Variants in DPP10 observed in about 807,000 individuals in gnomAD.
DPP10 encodes dipeptidyl peptidase like 10.
Under a neutral mutation model 120.9 loss-of-function variants are expected in DPP10, and 33 were observed. That is an observed-to-expected ratio of 0.27 (90% CI 0.21 to 0.37). The LOEUF (loss-of-function observed/expected upper bound fraction) is 0.37, where lower values mean the gene tolerates loss of function less well. DPP10 is among the 10% of genes least tolerant of loss of function. The pLI, the probability that DPP10 is intolerant of heterozygous loss-of-function variation, is 1.00. For missense variants in DPP10, 816 were observed against 942.8 expected, an observed-to-expected ratio of 0.87 and a Z score of 1.76; for synonymous variants, 337 against 326.1, an observed-to-expected ratio of 1.03 and a Z score of -0.36.
intron 2 of DPP10, among the ~76,000 whole-genome samples, chr2:115,316,319 C>CT (rs1267279010): frequency 1.4e-4 from 21 of 152,222 alleles, no homozygotes; most frequent in African/African-American, 5.1e-4. Flanking sequence ...TGTCATAATC[C>CT]TTGTAATATA....
chr2:115,276,290 G>C (rs1488429438), intron 1 of DPP10, among the ~76,000 whole-genome samples: 1 of 152,086 alleles, frequency 6.6e-6, no homozygotes, highest in Non-Finnish European at 1.5e-5. Context: ...GATGAATCCT[G>C]TCACTTGTAT....
chr2:115,443,671 G>A (rs2072292079), intron 3 of DPP10, among the ~76,000 whole-genome samples: 1 of 152,068 alleles, frequency 6.6e-6, no homozygotes, highest in Admixed American at 6.6e-5. Flanking sequence ...ACATCATCAG[G>A]AAGCTTCTTA....
intron 1 of DPP10, among the ~76,000 whole-genome samples, chr2:115,160,426 T>C (rs1303072886): frequency 6.6e-6 from 1 of 152,214 alleles, no homozygotes; most frequent in Admixed American, 6.5e-5. Context: ...GGACAGCTCC[T>C]ACCATTCTAC....
intron 19 of DPP10, among the ~76,000 whole-genome samples, chr2:115,793,862 T>C (rs1176881879): frequency 6.6e-6 from 1 of 152,106 alleles, no homozygotes; most frequent in Non-Finnish European, 1.5e-5. Context: ...AGAATTTCTT[T>C]TTTTTTAAAT....
chr2:114,897,839 C>T (rs1191566371), intron 1 of DPP10, among the ~76,000 whole-genome samples: 1 of 151,924 alleles, frequency 6.6e-6, no homozygotes, highest in Non-Finnish European at 1.5e-5. Flanking sequence ...ATTAAAAAGT[C>T]AGGAAACAAC....
chr2:115,693,507 G>T (rs1384941528), intron 7 of DPP10, among the ~76,000 whole-genome samples: 1 of 152,058 alleles, frequency 6.6e-6, no homozygotes, highest in Non-Finnish European at 1.5e-5. Context: ...AAAATGGACA[G>T]TATTTTGGAA....
At chr2:114,973,673 A>G (rs1443881190) in intron 1 of DPP10, among the ~76,000 whole-genome samples, 2 of 150,828 alleles carry the variant, frequency 1.3e-5, no homozygotes, top group Non-Finnish European at 3.0e-5. Context: ...AAAAAAAAAA[A>G]AAAAAAAAAA....
intron 3 of DPP10, among the ~76,000 whole-genome samples, chr2:115,483,424 T>G (rs1004872452): frequency 6.8e-6 from 1 of 147,192 alleles, no homozygotes. Flanking sequence ...CTGCCTGATA[T>G]GTCTATCTGT....
chr2:115,280,298 A>G (rs1469243532), intron 1 of DPP10, among the ~76,000 whole-genome samples: 1 of 152,178 alleles, frequency 6.6e-6, no homozygotes, highest in African/African-American at 2.4e-5. Context: ...GTCAGTAACA[A>G]TGCAGAAAGC....
Position 115,833,240 on chromosome 2 carries a change from C to T in DPP10, c.1951-2917C>T, listed in dbSNP as rs141983875. On this transcript the variant is annotated intron_variant, in intron 21 of 25. Transcript: ENST00000410059. ...TTTATGGACTGGAATATTCATTATT[C>T]TATCAATGTTTTCAGGTTATATAAA... is the stretch of plus-strand genomic sequence containing the variant. Among the ~76,000 whole-genome samples the T allele has an allele frequency of 1.6e-3, 242 of 152,154 alleles. 1 individual carries two copies. The Middle Eastern group carries it at 0.027, about 17-fold the overall frequency.
chr2:115,645,084 C>G (rs2087121886), intron 5 of DPP10, among the ~76,000 whole-genome samples: 1 of 152,060 alleles, frequency 6.6e-6, no homozygotes, highest in Admixed American at 6.6e-5. Flanking sequence ...AAGCATTCAC[C>G]TTAATGATAC....
chr2:115,464,014 C>T (rs554140074), intron 3 of DPP10, among the ~76,000 whole-genome samples: 1 of 152,198 alleles, frequency 6.6e-6, no homozygotes, highest in African/African-American at 2.4e-5. Flanking sequence ...CCTCTCTTGC[C>T]TACCCAAGCT....
At chr2:114,520,036 C>G (rs1296820402) in intron 1 of DPP10, among the ~76,000 whole-genome samples, 1 of 152,210 alleles carries the variant, frequency 6.6e-6, no homozygotes, top group Non-Finnish European at 1.5e-5. Flanking sequence ...ACTGAAACAA[C>G]TGACCAATCT....
At chr2:114,623,185 A>G (rs1262706446) in intron 1 of DPP10, among the ~76,000 whole-genome samples, 1 of 152,120 alleles carries the variant, frequency 6.6e-6, no homozygotes, top group African/African-American at 2.4e-5. Context: ...TTAAAGCACC[A>G]CAGCAAAAAT....
chr2:115,465,241 T>C (rs959383810), intron 3 of DPP10, among the ~76,000 whole-genome samples: 11 of 152,156 alleles, frequency 7.2e-5, no homozygotes, highest in African/African-American at 2.7e-4. Context: ...GCTTTGCACG[T>C]AATGCTGTTA....
At chr2:115,288,354 A>G (rs2060491292) in intron 1 of DPP10, among the ~76,000 whole-genome samples, 1 of 151,836 alleles carries the variant, frequency 6.6e-6, no homozygotes, top group Non-Finnish European at 1.5e-5. Flanking sequence ...TGTTCATATG[A>G]TTATCTCAAT....
intron 19 of DPP10, among the ~76,000 whole-genome samples, chr2:115,803,487 G>C (rs879495195): frequency 6.6e-6 from 1 of 152,140 alleles, no homozygotes; most frequent in Non-Finnish European, 1.5e-5. Context: ...ATGTTAGCTG[G>C]TTATTTTGCT....
intron 7 of DPP10, among the ~76,000 whole-genome samples, chr2:115,700,596 CA>C (rs1448028939): frequency 6.6e-6 from 1 of 151,682 alleles, no homozygotes; most frequent in East Asian, 1.9e-4. Context: ...AGCAATTAAG[CA>C]AACAAAAAAA....
intron 1 of DPP10, among the ~76,000 whole-genome samples, chr2:114,692,853 G>C (rs1462857494): frequency 6.6e-6 from 1 of 151,722 alleles, no homozygotes; most frequent in Non-Finnish European, 1.5e-5. Flanking sequence ...TTTGTCTTTT[G>C]TGATCTTTTT....
Sources: gnomAD v4.1 joint callset for allele counts (sites outside exome capture counted in the v4.1 genomes callset) on GRCh38, gnomAD v4.1.1 for gene constraint, MANE v1.5 for transcripts, NCBI Gene and HGNC (gene_info 2026-07-23, HGNC 2026-07-21) for gene names.